Variants in CD109 observed in about 807,000 individuals in gnomAD.
The protein encoded by CD109 is CD109 molecule.
In CD109, 149 loss-of-function variants were observed where a neutral mutation model predicts 165.8. That is an observed-to-expected ratio of 0.90 (90% CI 0.79 to 1.03). The LOEUF (loss-of-function observed/expected upper bound fraction) is 1.03, where lower values mean the gene tolerates loss of function less well. Among genes scored for constraint, CD109 ranks in the 50% least tolerant of loss-of-function variants. CD109 has a pLI of 0.00. For missense variants in CD109, 1,712 were observed against 1,677.8 expected (o/e 1.02, Z -0.36); for synonymous variants, 585 against 592.1 (o/e 0.99, Z 0.18).
intron 2 of CD109, among the ~76,000 whole-genome samples, chr6:73,708,966 T>C (rs898975483): frequency 6.6e-6 from 1 of 152,202 alleles, no homozygotes; most frequent in Non-Finnish European, 1.5e-5. Context: ...TTCACTCTGA[T>C]GGTAGTTTCT....
At chr6:73,682,127 C>T in the CD109 span, among the ~76,000 whole-genome samples, 4 of 152,280 alleles carry the variant, frequency 2.6e-5, no homozygotes, top group South Asian at 8.3e-4. Flanking sequence ...GCCTTCCCAA[C>T]AGTCCCCTAA....
At chr6:73,821,077 A>G (rs1776092113) in intron 32 of CD109, among the ~76,000 whole-genome samples, 1 of 152,124 alleles carries the variant, frequency 6.6e-6, no homozygotes, top group African/African-American at 2.4e-5. Context: ...CAAATGCTGC[A>G]TGTTCGCACT....
At chr6:73,764,945 G>A (rs1582123206) in intron 10 of CD109, among the ~76,000 whole-genome samples, 1 of 152,126 alleles carries the variant, frequency 6.6e-6, no homozygotes, top group African/African-American at 2.4e-5. Context: ...GAAAAGGTCA[G>A]TTTAAAAAAT....
chr6:73,809,807 ATG>A (rs144331019), intron 26 of CD109, among the ~76,000 whole-genome samples, 175 bp from the exon 27 acceptor site: 3 of 151,998 alleles, frequency 2.0e-5, no homozygotes, highest in African/African-American at 7.2e-5. Flanking sequence ...ATACATATGT[ATG>A]TGTGTGTGTG....
At chr6:73,698,296 C>T (rs1331790256) in intron 2 of CD109, among the ~76,000 whole-genome samples, 1 of 152,082 alleles carries the variant, frequency 6.6e-6, no homozygotes, top group African/African-American at 2.4e-5. Flanking sequence ...TACTTAAATA[C>T]TTAAAACATT....
At chr6:73,807,169 G>A in intron 25 of CD109, 97 bp downstream of exon 25, 2 of 846,606 alleles carry the variant, frequency 2.4e-6, no homozygotes, top group Non-Finnish European at 3.8e-6. Flanking sequence ...ACAAGTTGCA[G>A]CTTTACAACA....
At chr6:73,709,408 G>A (rs747570709) in intron 2 of CD109, among the ~76,000 whole-genome samples, 1 of 152,312 alleles carries the variant, frequency 6.6e-6, no homozygotes, top group Admixed American at 6.5e-5. Context: ...CTGTAGCCTC[G>A]TAGTATAGTT....
chr6:73,736,147 C>T (rs1338358584), intron 4 of CD109, among the ~76,000 whole-genome samples: 3 of 152,196 alleles, frequency 2.0e-5, no homozygotes, highest in Non-Finnish European at 4.4e-5. Context: ...TTCCAGCAGT[C>T]ATCCTAGATT....
intron 4 of CD109, among the ~76,000 whole-genome samples, chr6:73,733,361 G>C (rs779069966): frequency 1.3e-5 from 2 of 152,208 alleles, no homozygotes; most frequent in Non-Finnish European, 1.5e-5. Flanking sequence ...GATACTGACT[G>C]TCACAGCACC....
chr6:73,764,781 A>T (rs1582122712), intron 10 of CD109, among the ~76,000 whole-genome samples: 1 of 148,580 alleles, frequency 6.7e-6, no homozygotes, highest in Non-Finnish European at 1.5e-5. Flanking sequence ...GCGCCATTGC[A>T]CTCCAGCCTG....
chr6:73,753,795 C>T (rs1467297559), intron 5 of CD109, among the ~76,000 whole-genome samples: 1 of 152,138 alleles, frequency 6.6e-6, no homozygotes, highest in Non-Finnish European at 1.5e-5. Context: ...TGATCCTTCT[C>T]AAGAGAAGAT....
chr6:73,773,141 C>T (rs1350465906), intron 15 of CD109, among the ~76,000 whole-genome samples: 5 of 150,832 alleles, frequency 3.3e-5, no homozygotes, highest in East Asian at 1.9e-4. Context: ...ACACACACCC[C>T]ATCTGATGTG....
chr6:73,751,994 T>G (rs552879811), intron 5 of CD109, among the ~76,000 whole-genome samples: 3 of 152,216 alleles, frequency 2.0e-5, no homozygotes, highest in Non-Finnish European at 4.4e-5. Context: ...GAGTCTGAAA[T>G]AGTTCCCTTT....
rs1378849179 is a variant in CD109 at position 73,782,763 on chromosome 6, T to C, written c.2105+8T>C. 2 of 1,612,506 alleles carry C rather than the reference T, an allele frequency of 1.2e-6. No homozygotes were observed. Among genetic ancestry groups the C allele is most frequent in the East Asian group, 2.2e-5 (1 of 44,848 alleles). ...GCTAGACACCAACATGGGGTAAAAA[T>C]TTATAAAGTTCTTTGCCCATACATA... On this transcript the variant is annotated splice_region_variant and intron_variant, in intron 18 of 32. Coordinates refer to ENST00000287097, the MANE Select transcript of CD109 (RefSeq NM_133493.5).
chr6:73,815,249 A>C (rs1393439804), intron 30 of CD109, 126 bp downstream of exon 30: 2 of 627,854 alleles, frequency 3.2e-6, no homozygotes, highest in African/African-American at 3.9e-5. Flanking sequence ...TATGCACTAC[A>C]CTTCAGATTA....
At chr6:73,739,479 T>C (rs1772676197) in intron 5 of CD109, among the ~76,000 whole-genome samples, 1 of 152,172 alleles carries the variant, frequency 6.6e-6, no homozygotes, top group Non-Finnish European at 1.5e-5. Context: ...AGCCCACCAT[T>C]AGAGACTATA....
In CD109 at chr6:73,725,440, A is replaced by G. The variant is rs531791876; in HGVS notation, c.276+2161A>G. ...GGCAAGGGCATGAGAGTTTCTTTCA[A>G]TGATACTAGTATAAACTGTACGTGT... On this transcript the variant is annotated intron_variant, in intron 3 of 32. Transcript: ENST00000287097. 2.4e-3 allele frequency among the ~76,000 whole-genome samples: 365 copies of G among 151,904 alleles called. 1 individual carries two copies. Among genetic ancestry groups the G allele is most frequent in the African/African-American group, 8.4e-3 (346 of 41,378 alleles).
chr6:73,806,516 A>G lies in CD109; in HGVS notation c.2961-328A>G, dbSNP rs544341501. 1.3e-4 allele frequency among the ~76,000 whole-genome samples: 20 copies of G among 152,278 alleles called. No individual in the cohort carries two copies. In the South Asian group the frequency reaches 3.9e-3, roughly 30 times the overall value. On this transcript the variant is annotated intron_variant, in intron 24 of 32. Transcript: ENST00000287097. ...CCCTAGAACTTAAAGTATAATAAAT[A>G]AAAATAAAATAAAATAAAATTAAAT...
chr6:73,726,001 G>A (rs780299987), intron 3 of CD109, among the ~76,000 whole-genome samples: 2 of 152,188 alleles, frequency 1.3e-5, no homozygotes, highest in African/African-American at 4.8e-5. Context: ...GAAATAAAGT[G>A]TATGGACAAA....
Sources: allele counts gnomAD v4.1 joint callset (sites outside exome capture counted in the v4.1 genomes callset), GRCh38; gene constraint gnomAD v4.1.1; transcripts MANE v1.5; gene names NCBI Gene and HGNC (gene_info 2026-07-23, HGNC 2026-07-21).